DNAJC1: variants seen among roughly 807,000 people sequenced by gnomAD.
The protein encoded by DNAJC1 is DnaJ heat shock protein family (Hsp40) member C1.
In DNAJC1, 58 loss-of-function variants were observed where a neutral mutation model predicts 76.6. The observed-to-expected ratio is 0.76, with a 90% CI of 0.61 to 0.94. DNAJC1 has a LOEUF of 0.94. Ranked by LOEUF, DNAJC1 falls within the 40% of genes least tolerant of loss-of-function variation. The probability of loss-of-function intolerance (pLI) is 0.00; values close to 1 mark genes in which losing one functional copy is unlikely to be tolerated. For synonymous variants in DNAJC1, 258 were observed against 267.9 expected, an observed-to-expected ratio of 0.96 and a Z score of 0.36; for missense variants, 689 against 677.3, an observed-to-expected ratio of 1.02 and a Z score of -0.19.
chr10:21,970,000 A>G (rs1405421103), intron 1 of DNAJC1, among the ~76,000 whole-genome samples: 1 of 152,148 alleles, frequency 6.6e-6, no homozygotes, highest in African/African-American at 2.4e-5. Context: ...TTTACACCTT[A>G]ACCTACATAT....
intron 1 of DNAJC1, among the ~76,000 whole-genome samples, chr10:21,993,254 C>T (rs577800331): frequency 1.4e-4 from 21 of 152,260 alleles, no homozygotes; most frequent in Admixed American, 2.0e-4. Flanking sequence ...TGCACCCTCT[C>T]GCTCATAAAT....
At chr10:21,768,358 A>G (rs1367386021) in intron 9 of DNAJC1, among the ~76,000 whole-genome samples, 1 of 152,242 alleles carries the variant, frequency 6.6e-6, no homozygotes, top group African/African-American at 2.4e-5. Context: ...CATGATCATT[A>G]AGAGCCGAGA....
At chr10:21,914,894 G>T (rs1836925810) in intron 6 of DNAJC1, among the ~76,000 whole-genome samples, 1 of 152,106 alleles carries the variant, frequency 6.6e-6, no homozygotes, top group South Asian at 2.1e-4. Flanking sequence ...CCCAAATAGA[G>T]ACAACCTTAC....
At position 21,873,990 on chromosome 10, in the gene DNAJC1, TCA is replaced by T. The variant is rs547299735; in HGVS notation, c.978+8290_978+8291del. 5.9e-5 allele frequency among the ~76,000 whole-genome samples: 9 copies of T among 152,368 alleles called. No homozygotes were observed. The South Asian group carries it at 1.9e-3, about 32-fold the overall frequency. On this transcript the variant is annotated intron_variant, in intron 8 of 11. Transcript: ENST00000376980. ...CCCTAGAGAAACCACAAAACTATGT[TCA>T]CACAGACTTGTATTAGAATGTTCAC...
At chr10:21,820,105 GC>G (rs1453593852) in intron 8 of DNAJC1, among the ~76,000 whole-genome samples, 1 of 152,050 alleles carries the variant, frequency 6.6e-6, no homozygotes, top group Non-Finnish European at 1.5e-5. Flanking sequence ...TGTCCTAACT[GC>G]TTCAGTCCCT....
intron 8 of DNAJC1, among the ~76,000 whole-genome samples, chr10:21,836,419 C>T (rs1179480178): frequency 2.6e-5 from 4 of 152,176 alleles, no homozygotes; most frequent in African/African-American, 4.8e-5. Context: ...ACTGCATCAA[C>T]TAACGAGCAA....
At chr10:21,775,331 CT>C (rs34444920) in intron 9 of DNAJC1, among the ~76,000 whole-genome samples, 37,223 of 50,208 alleles carry the variant, frequency 0.74, 12,791 homozygotes, top group South Asian at 0.81. Context: ...CTGCAAATGG[CT>C]TTTTTTTTTT....
chr10:21,759,516 G>GC lies in DNAJC1; in HGVS notation c.1249dup (p.Ala417GlyfsTer16), dbSNP rs1834216617. ...CTCCTCCTCCGCTGCCACCCCCTCT[G>GC]CGTCCTCTCGCTGGGTGATCATGTC... On this transcript the variant is annotated frameshift_variant, in exon 11 of 12. Transcript: ENST00000376980. LOFTEE classifies it high-confidence loss of function. 1.2e-5 allele frequency: 20 copies of GC among 1,614,056 alleles called. No individual in the cohort carries two copies. The highest frequency in any genetic ancestry group is 1.7e-5 in the Non-Finnish European group (20 of 1,180,044).
chr10:21,812,409 T>A (rs1485571840), intron 8 of DNAJC1, among the ~76,000 whole-genome samples: 1 of 152,286 alleles, frequency 6.6e-6, no homozygotes, highest in African/African-American at 2.4e-5. Context: ...AGTGAATGCT[T>A]TCTTGAAGTA....
At chr10:21,827,873 A>G in intron 8 of DNAJC1, among the ~76,000 whole-genome samples, 1 of 152,104 alleles carries the variant, frequency 6.6e-6, no homozygotes, top group Non-Finnish European at 1.5e-5. Flanking sequence ...GTTGTTTAAA[A>G]TTTTTCACTA....
intron 1 of DNAJC1, among the ~76,000 whole-genome samples, chr10:21,957,046 C>T (rs187777854): frequency 3.9e-5 from 6 of 152,044 alleles, no homozygotes; most frequent in African/African-American, 9.6e-5. Flanking sequence ...TACCCGCCAC[C>T]GCACCTGACT....
intron 9 of DNAJC1, among the ~76,000 whole-genome samples, chr10:21,781,555 A>T (rs949480308): frequency 6.6e-6 from 1 of 151,964 alleles, no homozygotes; most frequent in Admixed American, 6.6e-5. Flanking sequence ...CCCCGTCTCT[A>T]CTAAAAATAC....
intron 8 of DNAJC1, among the ~76,000 whole-genome samples, chr10:21,817,471 T>C (rs537174245): frequency 1.3e-5 from 2 of 152,254 alleles, no homozygotes; most frequent in East Asian, 1.9e-4. Context: ...TCCAGTGCTC[T>C]ATAAAAGTTA....
intron 1 of DNAJC1, among the ~76,000 whole-genome samples, chr10:21,977,950 T>C (rs1564843300): frequency 1.3e-5 from 2 of 152,142 alleles, no homozygotes; most frequent in African/African-American, 4.8e-5. Context: ...TTTTTCTACA[T>C]TTGTACATCA....
At chr10:21,836,624 T>C (rs1835462924) in intron 8 of DNAJC1, among the ~76,000 whole-genome samples, 1 of 152,002 alleles carries the variant, frequency 6.6e-6, no homozygotes, top group Non-Finnish European at 1.5e-5. Context: ...AATAATGGGA[T>C]GGAGGAAGAT....
intron 7 of DNAJC1, among the ~76,000 whole-genome samples, chr10:21,889,716 G>A (rs959234566): frequency 2.0e-5 from 3 of 152,016 alleles, no homozygotes; most frequent in Non-Finnish European, 4.4e-5. Flanking sequence ...ACACTAACAG[G>A]CACAGACACA....
intron 3 of DNAJC1, among the ~76,000 whole-genome samples, chr10:21,924,554 A>C (rs972392279): frequency 6.6e-6 from 1 of 152,172 alleles, no homozygotes; most frequent in African/African-American, 2.4e-5. Context: ...TTTTACCTCA[A>C]CTAACATTCA....
At chr10:21,775,309 T>C (rs988047898) in intron 9 of DNAJC1, among the ~76,000 whole-genome samples, 1 of 141,846 alleles carries the variant, frequency 7.0e-6, no homozygotes, top group South Asian at 2.4e-4. Context: ...GACAGTTTCA[T>C]AAAAACGTTA....
intron 8 of DNAJC1, among the ~76,000 whole-genome samples, chr10:21,870,128 T>C (rs1412997381): frequency 6.6e-6 from 1 of 151,808 alleles, no homozygotes; most frequent in African/African-American, 2.4e-5. Flanking sequence ...TCCAGAAAAA[T>C]AAAGTGATTT....
Sources: gnomAD v4.1 joint callset for allele counts (sites outside exome capture counted in the v4.1 genomes callset) on GRCh38, gnomAD v4.1.1 for gene constraint, MANE v1.5 for transcripts, NCBI Gene and HGNC (gene_info 2026-07-23, HGNC 2026-07-21) for gene names.